Variants in FRK observed in about 807,000 individuals in gnomAD.
The protein encoded by FRK is tyrosine-protein kinase FRK.
A neutral mutation model predicts 56.4 loss-of-function variants in FRK; 51 were observed. The observed-to-expected ratio is 0.90, with a 90% confidence interval of 0.72 to 1.14. The LOEUF is 1.14. FRK is among the 50% of genes most tolerant of loss of function. The pLI, the probability that FRK is intolerant of heterozygous loss-of-function variation, is 0.00. For missense variants in FRK, 570 were observed against 601.4 expected (o/e 0.95, Z 0.55); for synonymous variants, 245 against 217.9 (o/e 1.12, Z -1.10).
intron 1 of FRK, among the ~76,000 whole-genome samples, chr6:116,041,583 G>A (rs1455127021): frequency 6.6e-6 from 1 of 152,118 alleles, no homozygotes; most frequent in Non-Finnish European, 1.5e-5. Context: ...TAGACAGTTG[G>A]TGCAGCCCAC....
At chr6:115,996,430 G>C (rs1483835787) in intron 2 of FRK, among the ~76,000 whole-genome samples, 2 of 152,130 alleles carry the variant, frequency 1.3e-5, no homozygotes, top group Non-Finnish European at 2.9e-5. Flanking sequence ...GACGAACTCT[G>C]TGCCTGGCAG....
At chr6:115,950,779 T>C (rs1562251920) in intron 5 of FRK, among the ~76,000 whole-genome samples, 1 of 152,144 alleles carries the variant, frequency 6.6e-6, no homozygotes, top group Non-Finnish European at 1.5e-5. Context: ...CAGATGCCCA[T>C]CAATGTTGGA....
At chr6:116,073,528 A>G in the FRK span, among the ~76,000 whole-genome samples, 1 of 152,326 alleles carries the variant, frequency 6.6e-6, no homozygotes, top group East Asian at 1.9e-4. Context: ...ATATGTAACA[A>G]CAATAATAAA....
chr6:115,994,397 T>C (rs940376881), intron 2 of FRK, among the ~76,000 whole-genome samples: 29 of 131,318 alleles, frequency 2.2e-4, no homozygotes, highest in Non-Finnish European at 3.7e-4. Context: ...TAGAAAAACA[T>C]GTGCCTGTCC....
At chr6:115,983,482 G>A (rs540548719) in intron 2 of FRK, among the ~76,000 whole-genome samples, 10 of 152,220 alleles carry the variant, frequency 6.6e-5, no homozygotes, top group Non-Finnish European at 7.4e-5. Flanking sequence ...ACTAGGTTGC[G>A]CATTACCTTC....
In FRK at chr6:115,940,728, A is replaced by G. The variant is rs1351363495; in HGVS notation, c.*1686T>C. ...TATGCAGCCAACAGACATATGAAAA[A>G]AAGCTCATCATCTGATCATTAGAGA... On this transcript the variant is annotated 3_prime_UTR_variant, in exon 8 of 8. Coordinates refer to ENST00000606080, the MANE Select transcript of FRK (RefSeq NM_002031.3). 1 of 152,244 alleles carries G rather than the reference A, an allele frequency of 6.6e-6. No individual in the cohort carries two copies. The highest frequency in any genetic ancestry group is 1.9e-4 in the East Asian group (1 of 5,206). The allele number at this position is 152,244 out of a possible 1,614,324, so 9.4% of individuals were successfully genotyped here.
upstream of FRK, among the ~76,000 whole-genome samples, chr6:116,064,151 A>G (rs1447316704): frequency 6.6e-6 from 1 of 152,224 alleles, no homozygotes; most frequent in Non-Finnish European, 1.5e-5. Flanking sequence ...AGTTCGCCAA[A>G]TGACCAGCAG....
intron 5 of FRK, among the ~76,000 whole-genome samples, chr6:115,946,962 A>G (rs1490070876): frequency 6.6e-6 from 1 of 152,104 alleles, no homozygotes; most frequent in East Asian, 1.9e-4. Flanking sequence ...TTGAGGGCTA[A>G]ATATGAGTGG....
At chr6:115,989,205 TG>T (rs1320363126) in intron 2 of FRK, among the ~76,000 whole-genome samples, 1 of 151,954 alleles carries the variant, frequency 6.6e-6, no homozygotes, top group African/African-American at 2.4e-5. Flanking sequence ...AGCATAATGG[TG>T]GTAATAGACT....
In FRK at chr6:115,937,797, C is replaced by T. The variant is rs1377847207; in HGVS notation, c.*4617G>A. 6.6e-6 allele frequency: 1 copy of T among 152,146 alleles called. No homozygotes were observed. Among genetic ancestry groups the T allele is most frequent in the Admixed American group, 6.5e-5 (1 of 15,276 alleles). The allele number at this position is 152,146 out of a possible 1,614,324, so 9.4% of individuals were successfully genotyped here. A position where few individuals can be genotyped will look rare whatever the true frequency, so the allele number is the denominator to read the frequency against. On this transcript the variant is annotated 3_prime_UTR_variant, in exon 8 of 8. Transcript: ENST00000606080. ...GCTAACTATCCTAAATATATATACA[C>T]CCAATACAGAAGCACCCAGATTCAT...
rs1771965147 is a variant in FRK, at chr6:115,931,971, T to C, written c.*10443A>G. 1.3e-5 allele frequency: 2 copies of C among 152,180 alleles called. No homozygotes were observed. Among genetic ancestry groups the C allele is most frequent in the Non-Finnish European group, 2.9e-5 (2 of 68,028 alleles). 9.4% of individuals were successfully genotyped at this position (152,180 alleles called of 1,614,324 possible). A position where few individuals can be genotyped will look rare whatever the true frequency, so the allele number is the denominator to read the frequency against. The stretch of plus-strand genomic sequence containing the variant: ...TTCTGGAAAAGCTGATTATTCTCCA[T>C]GAAAATGAAAAAGATGTTACATTGA... On this transcript the variant is annotated 3_prime_UTR_variant, in exon 8 of 8. Coordinates refer to ENST00000606080, the MANE Select transcript of FRK (RefSeq NM_002031.3).
At position 115,938,686 on chromosome 6, in the gene FRK, A is replaced by G. The variant is rs555881144; in HGVS notation, c.*3728T>C. 1 of 152,350 alleles carries G rather than the reference A, an allele frequency of 6.6e-6. No homozygotes were observed. Among genetic ancestry groups the G allele is most frequent in the South Asian group, 2.1e-4 (1 of 4,834 alleles). The allele number at this position is 152,350 out of a possible 1,614,324, so 9.4% of individuals were successfully genotyped here. A position where few individuals can be genotyped will look rare whatever the true frequency, so the allele number is the denominator to read the frequency against. Reference sequence around the variant, plus strand: ...ATACAAAATACCATCAGAGATTACTATAAATACCTCTAAGCAAATAAACTA... The same window carrying G: ...ATACAAAATACCATCAGAGATTACTGTAAATACCTCTAAGCAAATAAACTA... On this transcript the variant is annotated 3_prime_UTR_variant, in exon 8 of 8. Coordinates refer to ENST00000606080, the MANE Select transcript of FRK (RefSeq NM_002031.3).
intron 2 of FRK, among the ~76,000 whole-genome samples, chr6:116,000,107 A>G (rs2114684710): frequency 6.6e-6 from 1 of 152,236 alleles, no homozygotes; most frequent in East Asian, 1.9e-4. Flanking sequence ...GTTTTGTTCC[A>G]TAACATTCTA....
In FRK at chr6:116,059,959, AC is replaced by A. The variant is rs1393780082; in HGVS notation, c.344+8del. 2.5e-6 allele frequency: 4 copies of A among 1,606,466 alleles called. No homozygotes were observed. The Admixed American group carries it at 6.7e-5, about 27-fold the overall frequency. ...GTTCAGAAATTAAGTATAAGTTTGTACTACTCACGGCTCTGCCTGTAGGCTT... is the reference window on the plus strand; with the variant it reads ...GTTCAGAAATTAAGTATAAGTTTGTATACTCACGGCTCTGCCTGTAGGCTT... On this transcript the variant is annotated splice_region_variant and intron_variant, in intron 1 of 7. Coordinates refer to ENST00000606080, the MANE Select transcript of FRK (RefSeq NM_002031.3).
chr6:116,058,629 G>A (rs1777485375), intron 1 of FRK, among the ~76,000 whole-genome samples: 1 of 152,134 alleles, frequency 6.6e-6, no homozygotes. Context: ...AGTCCATTTT[G>A]GCCGGGCGCG....
intron 2 of FRK, among the ~76,000 whole-genome samples, chr6:115,985,845 T>C (rs1346847071): frequency 1.3e-5 from 2 of 151,216 alleles, no homozygotes; most frequent in South Asian, 2.1e-4. Context: ...TGGAGTGATT[T>C]TGAGATAAAG....
chr6:116,046,598 A>C (rs185081624), intron 1 of FRK, among the ~76,000 whole-genome samples: 1 of 152,142 alleles, frequency 6.6e-6, no homozygotes, highest in Non-Finnish European at 1.5e-5. Flanking sequence ...ATGTGGACAC[A>C]GTGAGGGGAA....
chr6:115,992,320 C>G (rs1774645700), intron 2 of FRK, among the ~76,000 whole-genome samples: 1 of 151,664 alleles, frequency 6.6e-6, no homozygotes, highest in Non-Finnish European at 1.5e-5. Context: ...AGTAATTGCT[C>G]TCTTTTCTGG....
At chr6:115,948,706 C>T (rs761801695) in intron 5 of FRK, among the ~76,000 whole-genome samples, 43 of 152,322 alleles carry the variant, frequency 2.8e-4, no homozygotes, top group Non-Finnish European at 4.4e-4. Context: ...TGTCTTCCTT[C>T]AGTCGTTTCC....
Sources: allele counts gnomAD v4.1 joint callset (sites outside exome capture counted in the v4.1 genomes callset), GRCh38; gene constraint gnomAD v4.1.1; transcripts MANE v1.5; gene names NCBI Gene and HGNC (gene_info 2026-07-23, HGNC 2026-07-21).